SNTG1: variants seen among roughly 807,000 people sequenced by gnomAD.
SNTG1 encodes the protein syntrophin gamma 1.
Under a neutral mutation model 74.7 loss-of-function variants are expected in SNTG1, and 39 were observed. The observed-to-expected ratio is 0.52, with a 90% CI of 0.40 to 0.68. The LOEUF is 0.68. Among genes scored for constraint, SNTG1 ranks in the 30% least tolerant of loss-of-function variants. The pLI is 0.00. For missense variants in SNTG1, 685 were observed against 609.5 expected, an observed-to-expected ratio of 1.12 and a Z score of -1.30; for synonymous variants, 254 against 217.1, an observed-to-expected ratio of 1.17 and a Z score of -1.49.
intron 2 of SNTG1, among the ~76,000 whole-genome samples, chr8:50,199,890 A>T (rs1341542018): frequency 6.6e-6 from 1 of 152,200 alleles, no homozygotes; most frequent in Non-Finnish European, 1.5e-5. Flanking sequence ...ATGGATAAAG[A>T]AACAAAATTA....
intron 1 of SNTG1, among the ~76,000 whole-genome samples, chr8:49,969,295 G>A (rs1461551427): frequency 6.6e-6 from 1 of 150,822 alleles, no homozygotes; most frequent in Non-Finnish European, 1.5e-5. Flanking sequence ...CCTTGGATTT[G>A]CTTCACCACA....
chr8:50,352,064 T>C (rs930671), intron 2 of SNTG1, among the ~76,000 whole-genome samples: 24,054 of 152,194 alleles, frequency 0.16, 2,329 homozygotes, highest in Middle Eastern at 0.26. Flanking sequence ...ACCATGCTTT[T>C]CTTTGCAAGT....
chr8:50,511,816 C>T lies in SNTG1; in HGVS notation c.466+8936C>T, dbSNP rs1034146133. 5.9e-5 allele frequency among the ~76,000 whole-genome samples: 9 copies of T among 152,014 alleles called. 1 individual carries two copies. Among genetic ancestry groups the T allele is most frequent in the South Asian group, 2.1e-4 (1 of 4,824 alleles). ...TTTTGAGCCTATGTGTGTCTCTGCA[C>T]GTGAGGTGGGTTTCCTGAATACAGC... is the stretch of plus-strand genomic sequence containing the variant. On this transcript the variant is annotated intron_variant, in intron 9 of 18. Transcript: ENST00000642720.
Position 50,254,247 on chromosome 8 carries a change from C to A in SNTG1, c.-28+81612C>A, listed in dbSNP as rs189909256. 3.7e-4 allele frequency among the ~76,000 whole-genome samples: 56 copies of A among 152,192 alleles called. 1 individual carries two copies. Among genetic ancestry groups the A allele is most frequent in the African/African-American group, 1.2e-3 (49 of 41,544 alleles). On this transcript the variant is annotated intron_variant, in intron 2 of 18. Coordinates refer to ENST00000642720, the MANE Select transcript of SNTG1 (RefSeq NM_018967.5). ...CAGAATTGGAACCATGAAGATGAAA[C>A]TCAAAGACTATATTCTCGATCAATA...
chr8:50,402,209 G>A lies in SNTG1; in HGVS notation c.28-1G>A, dbSNP rs770378662. On this transcript the variant is annotated splice_acceptor_variant, in intron 3 of 18. Coordinates refer to ENST00000642720, the MANE Select transcript of SNTG1 (RefSeq NM_018967.5). LOFTEE classifies it high-confidence loss of function. ...TGTTTGTTTTTTTTTTTAATCTGAA[G>A]ACAAAGACAGGAATTTGTTTGCTGC... 1 of 1,586,028 alleles carries A rather than the reference G, an allele frequency of 6.3e-7. No individual in the cohort carries two copies. The highest frequency in any genetic ancestry group is 1.2e-5 in the South Asian group (1 of 85,352).
intron 14 of SNTG1, among the ~76,000 whole-genome samples, chr8:50,658,061 C>T (rs2095194733): frequency 6.6e-6 from 1 of 152,084 alleles, no homozygotes; most frequent in Non-Finnish European, 1.5e-5. Context: ...ATATTTTACT[C>T]TATTCCTACT....
chr8:50,587,458 T>G (rs2094657745), intron 12 of SNTG1, among the ~76,000 whole-genome samples: 1 of 152,180 alleles, frequency 6.6e-6, no homozygotes, highest in Non-Finnish European at 1.5e-5. Flanking sequence ...CTACATATGT[T>G]TTAATTGCTG....
At chr8:50,196,074 A>C (rs960710232) in intron 2 of SNTG1, among the ~76,000 whole-genome samples, 13 of 152,176 alleles carry the variant, frequency 8.5e-5, no homozygotes, top group African/African-American at 3.1e-4. Flanking sequence ...TATAAAAACT[A>C]TCCTTTTATG....
intron 2 of SNTG1, among the ~76,000 whole-genome samples, chr8:50,329,453 C>T (rs564732173): frequency 1.3e-5 from 2 of 152,104 alleles, no homozygotes; most frequent in African/African-American, 4.8e-5. Flanking sequence ...GTTCCCAAAC[C>T]TCAATTCTTG....
At chr8:50,001,421 A>G (rs539160176) in intron 1 of SNTG1, among the ~76,000 whole-genome samples, 1 of 152,216 alleles carries the variant, frequency 6.6e-6, no homozygotes, top group East Asian at 1.9e-4. Context: ...GCTAGAAACT[A>G]TATTAGTGTT....
intron 12 of SNTG1, among the ~76,000 whole-genome samples, chr8:50,562,175 G>C (rs1468315841): frequency 6.6e-6 from 1 of 152,174 alleles, no homozygotes; most frequent in Non-Finnish European, 1.5e-5. Flanking sequence ...ACCCATCTGT[G>C]GTAGGAAGAA....
chr8:50,643,322 C>G (rs891967961), intron 13 of SNTG1, among the ~76,000 whole-genome samples: 1 of 152,184 alleles, frequency 6.6e-6, no homozygotes, highest in Non-Finnish European at 1.5e-5. Context: ...TGCTTAATTT[C>G]AATGTCTTGA....
intron 1 of SNTG1, among the ~76,000 whole-genome samples, chr8:50,089,361 C>G (rs973183600): frequency 1.0e-4 from 15 of 150,332 alleles, no homozygotes; most frequent in Non-Finnish European, 1.6e-4. Flanking sequence ...GACTTCATGT[C>G]TAAAACACCA....
chr8:50,684,949 C>T (rs1473773421), intron 15 of SNTG1, among the ~76,000 whole-genome samples: 3 of 134,460 alleles, frequency 2.2e-5, no homozygotes, highest in Admixed American at 1.7e-4. Context: ...CATGTGATCT[C>T]ATTGTTCAAT....
intron 2 of SNTG1, among the ~76,000 whole-genome samples, chr8:50,206,867 T>C (rs1327462347): frequency 1.3e-5 from 2 of 152,156 alleles, no homozygotes; most frequent in Non-Finnish European, 2.9e-5. Context: ...ATGGATTACG[T>C]TTATTGATTT....
chr8:50,327,031 T>C (rs989192369), intron 2 of SNTG1, among the ~76,000 whole-genome samples: 1 of 152,156 alleles, frequency 6.6e-6, no homozygotes, highest in Non-Finnish European at 1.5e-5. Context: ...ATTTCTAGTT[T>C]AGTTCCATTG....
chr8:50,581,832 A>G (rs910820091), intron 12 of SNTG1, among the ~76,000 whole-genome samples: 5 of 152,194 alleles, frequency 3.3e-5, no homozygotes, highest in African/African-American at 1.2e-4. Context: ...TTCTTGGCAG[A>G]GCATCCTATT....
chr8:50,788,249 T>A (rs2131859036), intron 18 of SNTG1, among the ~76,000 whole-genome samples: 1 of 152,182 alleles, frequency 6.6e-6, no homozygotes, highest in Middle Eastern at 3.4e-3. Context: ...AAGAGAAGCC[T>A]ATCTTGAAAT....
chr8:50,551,682 A>G (rs1393713617), intron 11 of SNTG1, among the ~76,000 whole-genome samples: 1 of 152,214 alleles, frequency 6.6e-6, no homozygotes, highest in Non-Finnish European at 1.5e-5. Flanking sequence ...TTCAATGTGT[A>G]TGCTGTCACA....
Sources: gnomAD v4.1 joint callset for allele counts (sites outside exome capture counted in the v4.1 genomes callset) on GRCh38, gnomAD v4.1.1 for gene constraint, MANE v1.5 for transcripts, NCBI Gene and HGNC (gene_info 2026-07-23, HGNC 2026-07-21) for gene names.